NMUR2: variants seen among roughly 807,000 people sequenced by gnomAD.
The protein encoded by NMUR2 is neuromedin-U receptor 2.
In NMUR2, 24 loss-of-function variants were observed where a neutral mutation model predicts 25.1. That is an observed-to-expected ratio of 0.96 (90% CI 0.69 to 1.34). NMUR2 has a LOEUF of 1.34. NMUR2 is among the 40% of genes most tolerant of loss of function. NMUR2 has a pLI of 0.00. For synonymous variants in NMUR2, 218 were observed against 208.1 expected (o/e 1.05, Z -0.41); for missense variants, 533 against 512.8 (o/e 1.04, Z -0.38).
In NMUR2 at chr5:152,404,588, G is replaced by A; in HGVS notation, c.526C>T (p.Leu176Phe). ...ATGCTGGTGTTGGGCAGGGAGAAGA[G>A]CACGGAGAAGCCCCAGACGATGCCG... ...ILGIVWGFSV[L>F]FSLPNTSIHG... The change falls in exon 1 of 4, where the codon CTC (leucine) becomes TTC (phenylalanine). Residue 176 changes from leucine (L) to phenylalanine (F), a missense_variant. By Grantham distance (22) the Leu-to-Phe change is conservative (BLOSUM62 0). Transcript: ENST00000255262. 6.2e-7 allele frequency: 1 copy of A among 1,614,154 alleles called. No individual in the cohort carries two copies. Among genetic ancestry groups the A allele is most frequent in the Non-Finnish European group, 8.5e-7 (1 of 1,180,032 alleles).
intron 3 of NMUR2, 81 bp downstream of exon 3, chr5:152,395,378 A>G: frequency 6.7e-7 from 1 of 1,494,296 alleles, no homozygotes; most frequent in Non-Finnish European, 9.3e-7. Flanking sequence ...AAATTGGAGT[A>G]CTTAGGCATC....
intron 1 of NMUR2, among the ~76,000 whole-genome samples, chr5:152,399,145 G>T (rs1176545761): frequency 6.6e-6 from 1 of 152,020 alleles, no homozygotes; most frequent in Non-Finnish European, 1.5e-5. Flanking sequence ...GGGATGTTTG[G>T]CCAAATAAAG....
chr5:152,404,516 C>T lies in NMUR2; in HGVS notation c.598G>A (p.Gly200Ser). Residue 200 changes from glycine to serine, a missense_variant, in exon 1 of 4, where the codon GGT becomes AGT. Coordinates refer to ENST00000255262, the MANE Select transcript of NMUR2 (RefSeq NM_020167.5). The part of the protein sequence containing the change: ...HYFPNGSLVP[G>S]SATCTVIKPM... The stretch of plus-strand genomic sequence containing the variant: ...TTGATGACCGTACAGGTGGCCGAAC[C>T]TGGGACCAGGGACCCATTGGGGAAG... The T allele has an allele frequency of 6.2e-7, 1 of 1,614,096 alleles. No individual in the cohort carries two copies. Among genetic ancestry groups the T allele is most frequent in the Non-Finnish European group, 8.5e-7 (1 of 1,180,034 alleles).
chr5:152,401,472 G>C (rs1342558990), intron 1 of NMUR2, among the ~76,000 whole-genome samples: 1 of 152,144 alleles, frequency 6.6e-6, no homozygotes, highest in African/African-American at 2.4e-5. Flanking sequence ...GTGGGACTTA[G>C]TTTCAGAATA....
chr5:152,394,710 G>A (rs3828685), intron 3 of NMUR2, among the ~76,000 whole-genome samples: 104,700 of 152,050 alleles, frequency 0.69, 36,413 homozygotes, highest in African/African-American at 0.78. Context: ...ACTATACAAT[G>A]TTAATCATAA....
chr5:152,393,858 C>T (rs1753102401), intron 3 of NMUR2, among the ~76,000 whole-genome samples: 1 of 151,964 alleles, frequency 6.6e-6, no homozygotes, highest in Admixed American at 6.6e-5. Context: ...ATATAGCACG[C>T]ATAAGTATTC....
At chr5:152,403,034 G>T (rs750285051) in intron 1 of NMUR2, among the ~76,000 whole-genome samples, 4 of 152,200 alleles carry the variant, frequency 2.6e-5, no homozygotes, top group Non-Finnish European at 5.9e-5. Flanking sequence ...GAGTATATTA[G>T]TTGTCACATA....
At chr5:152,393,809 A>T (rs1483431686) in intron 3 of NMUR2, among the ~76,000 whole-genome samples, 2 of 152,180 alleles carry the variant, frequency 1.3e-5, no homozygotes, top group African/African-American at 2.4e-5. Flanking sequence ...GGTAAGAGAT[A>T]GTTGAGGAAG....
At position 152,404,261 on chromosome 5, in the gene NMUR2, G is replaced by A. The variant is rs1424204683; in HGVS notation, c.726+127C>T. On this transcript the variant is annotated intron_variant, in intron 1 of 3. Coordinates refer to ENST00000255262, the MANE Select transcript of NMUR2 (RefSeq NM_020167.5). ...TTTTAAGTCTCAATTTCCCATCTGA[G>A]CTCATTCTATTTTCCCTCTGTTCCC... is the stretch of plus-strand genomic sequence containing the variant. The A allele has an allele frequency of 4.5e-6, 5 of 1,109,210 alleles. No individual in the cohort carries two copies. In the African/African-American group the frequency reaches 7.9e-5, roughly 17 times the overall value. 68.7% of individuals were successfully genotyped at this position (1,109,210 alleles called of 1,614,324 possible).
chr5:152,399,666 G>T (rs1753221417), intron 1 of NMUR2, among the ~76,000 whole-genome samples: 1 of 152,098 alleles, frequency 6.6e-6, no homozygotes, highest in Admixed American at 6.5e-5. Flanking sequence ...ATAAAGTTAG[G>T]TTTATAATAA....
At chr5:152,393,530 T>C (rs572129637) in intron 3 of NMUR2, among the ~76,000 whole-genome samples, 5 of 152,318 alleles carry the variant, frequency 3.3e-5, no homozygotes, top group African/African-American at 1.2e-4. Context: ...TTGATTTAAC[T>C]CTTATTATGT....
intron 1 of NMUR2, among the ~76,000 whole-genome samples, chr5:152,398,375 G>C (rs764434578): frequency 3.9e-5 from 6 of 152,124 alleles, no homozygotes; most frequent in Non-Finnish European, 8.8e-5. Context: ...ACCACTTTTC[G>C]TATACAGTTA....
Position 152,404,814 on chromosome 5 carries a change from G to C in NMUR2, c.300C>G (p.Pro100=), listed in dbSNP as rs1485109034. Residue 100 remains proline, a synonymous_variant, in exon 1 of 4, where the codon CCC becomes CCG. Transcript: ENST00000255262. ...TGCGCCACATCTCATAGACCTCCAG[G>C]GGCATTCCAAGGAGCAGGACCAGGA... is the stretch of plus-strand genomic sequence containing the variant. ...SDLLVLLLGM[P]LEVYEMWRNY... The C allele has an allele frequency of 5.6e-6, 9 of 1,614,044 alleles. No homozygotes were observed. In the South Asian group the frequency reaches 8.8e-5, roughly 16 times the overall value.
chr5:152,402,866 T>C (rs1580890853), intron 1 of NMUR2, among the ~76,000 whole-genome samples: 1 of 152,312 alleles, frequency 6.6e-6, no homozygotes, highest in East Asian at 1.9e-4. Context: ...GCTCTCTGCC[T>C]AATTAGATTT....
intron 2 of NMUR2, among the ~76,000 whole-genome samples, chr5:152,396,797 CAGG>C (rs748160671): frequency 6.6e-5 from 10 of 151,946 alleles, no homozygotes; most frequent in Non-Finnish European, 1.3e-4. Context: ...GAGGCTGAGG[CAGG>C]AGAATTGCTT....
rs545115628 is a variant in NMUR2, at chr5:152,403,529, G to T, written c.726+859C>A. ...GTTTACCACCATAAACATAGGAAAA[G>T]AACCTCTAATTATATATGTTGCAAA... On this transcript the variant is annotated intron_variant, in intron 1 of 3. Coordinates refer to ENST00000255262, the MANE Select transcript of NMUR2 (RefSeq NM_020167.5). Among the ~76,000 whole-genome samples the T allele has an allele frequency of 1.1e-3, 168 of 152,044 alleles. 1 individual carries two copies. Among genetic ancestry groups the T allele is most frequent in the African/African-American group, 3.8e-3 (158 of 41,492 alleles).
chr5:152,395,397 A>G, intron 3 of NMUR2, 62 bp downstream of exon 3: 4 of 1,597,124 alleles, frequency 2.5e-6, no homozygotes, highest in Non-Finnish European at 3.4e-6. Flanking sequence ...TCTAAGCAAG[A>G]TGAAGAAGAA....
chr5:152,397,963 A>C, intron 2 of NMUR2, 97 bp downstream of exon 2: 1 of 787,178 alleles, frequency 1.3e-6, no homozygotes, highest in African/African-American at 1.7e-5. Flanking sequence ...GTTTCAGGAT[A>C]AATTGGAACC....
Position 152,398,086 on chromosome 5 carries a change from C to T in NMUR2, c.785G>A (p.Cys262Tyr). Residue 262 changes from cysteine (C) to tyrosine (Y), a missense_variant, in exon 2 of 4, where the codon TGC (cysteine) becomes TAC (tyrosine). Transcript: ENST00000255262. The stretch of plus-strand genomic sequence containing the variant: ...CAGCATCTTGTTGACTGATTTTCTG[C>T]AGGGTCTTTGAATATTTGCATTCCC... ...DEGNANIQRP[C>Y]RKSVNKMLFV... 1.2e-6 allele frequency: 2 copies of T among 1,613,162 alleles called. No homozygotes were observed. Among genetic ancestry groups the T allele is most frequent in the Non-Finnish European group, 1.7e-6 (2 of 1,179,464 alleles).
Sources: gnomAD v4.1 joint callset for allele counts (sites outside exome capture counted in the v4.1 genomes callset) on GRCh38, gnomAD v4.1.1 for gene constraint, MANE v1.5 for transcripts, NCBI Gene and HGNC (gene_info 2026-07-23, HGNC 2026-07-21) for gene names.